PEX1: variants seen among roughly 807,000 people sequenced by gnomAD.
PEX1 encodes peroxisomal biogenesis factor 1, also known as peroxisomal ATPase PEX1.
PEX1 carries 97 observed loss-of-function variants against 152.5 expected under a neutral mutation model. The observed-to-expected ratio is 0.64, with a 90% CI of 0.54 to 0.75. The LOEUF is 0.75. PEX1 is among the 30% of genes least tolerant of loss of function. PEX1 has a pLI of 0.00. For missense variants in PEX1, 1,357 were observed against 1,516.3 expected (o/e 0.89, Z 1.74); for synonymous variants, 485 against 531.6 (o/e 0.91, Z 1.21).
At position 92,517,260 on chromosome 7, in the gene PEX1, T is replaced by C; in HGVS notation, c.1239+16A>G. 6.3e-7 allele frequency: 1 copy of C among 1,599,668 alleles called. No individual in the cohort carries two copies. The highest frequency in any genetic ancestry group is 8.6e-7 in the Non-Finnish European group (1 of 1,167,224). On this transcript the variant is annotated intron_variant, in intron 5 of 23. Transcript: ENST00000248633. ...GCCACATAAAATTTCTCCCAAGTTA[T>C]AAAATTTATACTAACCCAGACTTTC...
At chr7:92,510,640 T>G (rs1315224331) in intron 8 of PEX1, among the ~76,000 whole-genome samples, 1 of 152,078 alleles carries the variant, frequency 6.6e-6, no homozygotes, top group Admixed American at 6.6e-5. Flanking sequence ...AAAACTACGT[T>G]TTCATTTGTT....
chr7:92,502,615 G>A (rs1237498880), intron 13 of PEX1, among the ~76,000 whole-genome samples: 6 of 152,096 alleles, frequency 3.9e-5, no homozygotes, highest in Admixed American at 6.5e-5. Flanking sequence ...TAGGGTAGAT[G>A]CTAGGTGAAA....
Position 92,496,785 on chromosome 7 carries a change from G to T in PEX1, c.2719-8C>A. 6.4e-7 allele frequency: 1 copy of T among 1,573,088 alleles called. No homozygotes were observed. Among genetic ancestry groups the T allele is most frequent in the Non-Finnish European group, 8.7e-7 (1 of 1,143,300 alleles). On this transcript the variant is annotated splice_polypyrimidine_tract_variant and splice_region_variant and intron_variant, in intron 16 of 23. Coordinates refer to ENST00000248633, the MANE Select transcript of PEX1 (RefSeq NM_000466.3). ...GCTGAGTAACTCTGGCCCCTATTGG[G>T]TAAAATAAGAGTTGAGATAAAATTA...
chr7:92,528,501 C>T lies in PEX1; in HGVS notation c.-66G>A. 6.7e-7 allele frequency: 1 copy of T among 1,490,300 alleles called. No homozygotes were observed. The highest frequency in any genetic ancestry group is 8.9e-7 in the Non-Finnish European group (1 of 1,120,270). The allele number at this position is 1,490,300 out of a possible 1,614,324, so 92.3% of individuals were successfully genotyped here. ...GCAAAGGACCCGGGACCCGGCAGGC[C>T]GAGGACGTCGGAGCCGGAGGAGATC... On this transcript the variant is annotated 5_prime_UTR_variant, in exon 1 of 24. Transcript: ENST00000248633.
Position 92,502,096 on chromosome 7 carries a change from A to T in PEX1, c.2227-17T>A, listed in dbSNP as rs1380396312. 1 of 1,532,880 alleles carries T rather than the reference A, an allele frequency of 6.5e-7. No individual in the cohort carries two copies. The highest frequency in any genetic ancestry group is 9.0e-7 in the Non-Finnish European group (1 of 1,111,160). The allele number at this position is 1,532,880 out of a possible 1,614,324, so 95.0% of individuals were successfully genotyped here. ...TCTTTGTTCCTAAAGAAAAAAACAC[A>T]AAATTCGAATTTCCAATTGTATTCA... On this transcript the variant is annotated splice_polypyrimidine_tract_variant and intron_variant, in intron 13 of 23. Transcript: ENST00000248633.
chr7:92,517,485 G>A lies in PEX1; in HGVS notation c.1030C>T (p.Gln344Ter). Residue 344 changes from glutamine (Q) to a stop codon, truncating the protein, a stop_gained, in exon 5 of 24, where the codon CAG becomes TAG. Transcript: ENST00000248633. LOFTEE classifies it high-confidence loss of function. ...ACATTTTGTTTTGTTTTACTTTGCTGTTGCTTTGGAGAAAGTAGCTTAACT... is the reference window on the plus strand; with the variant it reads ...ACATTTTGTTTTGTTTTACTTTGCTATTGCTTTGGAGAAAGTAGCTTAACT... Reference protein sequence around the residue: ...KLVKLLSPKQQQSKTKQNVLS... With the variant: ...KLVKLLSPKQ The A allele has an allele frequency of 6.2e-7, 1 of 1,613,758 alleles. No individual in the cohort carries two copies. The highest frequency in any genetic ancestry group is 8.5e-7 in the Non-Finnish European group (1 of 1,179,964).
intron 1 of PEX1, among the ~76,000 whole-genome samples, chr7:92,522,781 A>T (rs576910521): frequency 6.6e-6 from 1 of 152,342 alleles, no homozygotes; most frequent in African/African-American, 2.4e-5. Context: ...ATGAAACACC[A>T]ACCAGATGGA....
rs67750906 is a variant in PEX1 at position 92,515,067 on chromosome 7, CTATATATATATATA to C, written c.1240-1114_1240-1101del. Among the ~76,000 whole-genome samples the C allele has an allele frequency of 1.3e-3, 167 of 125,092 alleles. 1 individual carries two copies. The highest frequency in any genetic ancestry group is 3.9e-3 in the Middle Eastern group (1 of 256). The allele number at this position is 125,092 out of a possible 152,430, so 82.1% of individuals were successfully genotyped here. Reference sequence around the variant, plus strand: ...GTCTCAAGAAAAAAAAAAAAATTATCTATATATATATATATATATATATATATATATATATATAT... The same window carrying C: ...GTCTCAAGAAAAAAAAAAAAATTATCTATATATATATATATATATATATAT... On this transcript the variant is annotated intron_variant, in intron 5 of 23. Coordinates refer to ENST00000248633, the MANE Select transcript of PEX1 (RefSeq NM_000466.3).
chr7:92,526,002 T>C (rs1793249166), intron 1 of PEX1, among the ~76,000 whole-genome samples: 1 of 152,118 alleles, frequency 6.6e-6, no homozygotes, highest in African/African-American at 2.4e-5. Context: ...GGAAGGAGAT[T>C]GGTTATAGAA....
At chr7:92,516,360 G>A (rs1374031876) in intron 5 of PEX1, among the ~76,000 whole-genome samples, 1 of 151,924 alleles carries the variant, frequency 6.6e-6, no homozygotes. Context: ...GTGGGAGGCG[G>A]AGGTTGCAGT....
intron 16 of PEX1, among the ~76,000 whole-genome samples, chr7:92,499,249 A>G (rs531348333): frequency 6.6e-6 from 1 of 152,348 alleles, no homozygotes; most frequent in Admixed American, 6.5e-5. Flanking sequence ...ATCCGTGGAG[A>G]AATTTGTGCA....
At position 92,494,633 on chromosome 7, in the gene PEX1, G is replaced by T. The variant is rs1412095915; in HGVS notation, c.2784-4C>A. Reference sequence around the variant, plus strand: ...GCAGGGCTTTGCAGCCTGTGCTCTGGGAAAAACAAACAACATTTCATATTT... The same window carrying T: ...GCAGGGCTTTGCAGCCTGTGCTCTGTGAAAAACAAACAACATTTCATATTT... On this transcript the variant is annotated splice_polypyrimidine_tract_variant and splice_region_variant and intron_variant, in intron 17 of 23. Coordinates refer to ENST00000248633, the MANE Select transcript of PEX1 (RefSeq NM_000466.3). The T allele has an allele frequency of 6.2e-7, 1 of 1,613,564 alleles. No homozygotes were observed. The highest frequency in any genetic ancestry group is 1.7e-5 in the Admixed American group (1 of 59,990).
At chr7:92,507,185 T>A (rs79925301) in intron 9 of PEX1, 59 bp from the exon 10 acceptor site, 231 of 1,492,674 alleles carry the variant, frequency 1.5e-4, no homozygotes, top group Non-Finnish European at 2.0e-4. Context: ...AATTTAGCTA[T>A]AAAAAAATGC....
At position 92,498,990 on chromosome 7, in the gene PEX1, C is replaced by T. The variant is rs141604566; in HGVS notation, c.2718+714G>A. On this transcript the variant is annotated intron_variant, in intron 16 of 23. Transcript: ENST00000248633. The stretch of plus-strand genomic sequence containing the variant: ...CCTACAAGAGAGAGGTGGCTCATTA[C>T]TCAATTTCATACAACTTTTAATAGA... 8.7e-4 allele frequency among the ~76,000 whole-genome samples: 133 copies of T among 152,246 alleles called. 2 individuals carry two copies. The highest frequency in any genetic ancestry group is 3.0e-3 in the African/African-American group (126 of 41,530).
chr7:92,511,538 T>G lies in PEX1; in HGVS notation c.1483+42A>C, dbSNP rs761573471. 1.7e-5 allele frequency: 25 copies of G among 1,496,620 alleles called. No individual in the cohort carries two copies. In the East Asian group the frequency reaches 4.6e-4, roughly 27 times the overall value. 92.7% of individuals were successfully genotyped at this position (1,496,620 alleles called of 1,614,324 possible). A position where few individuals can be genotyped will look rare whatever the true frequency, so the allele number is the denominator to read the frequency against. Reference sequence around the variant, plus strand: ...GCAAGAACAATTAAAAATGTACAACTATTTAAATAGAAAAAAAAGTCAAAA... The same window carrying G: ...GCAAGAACAATTAAAAATGTACAACGATTTAAATAGAAAAAAAAGTCAAAA... On this transcript the variant is annotated intron_variant, in intron 7 of 23. Transcript: ENST00000248633.
intron 5 of PEX1, 127 bp from the exon 6 acceptor site, chr7:92,514,094 C>A: frequency 1.6e-6 from 1 of 637,934 alleles, no homozygotes. Flanking sequence ...ATCATAATAA[C>A]TCATAGTTGT....
chr7:92,509,500 C>G, intron 8 of PEX1, 89 bp from the exon 9 acceptor site: 1 of 837,688 alleles, frequency 1.2e-6, no homozygotes. Context: ...ATTGCTGATT[C>G]TGTTATACCA....
chr7:92,500,924 AC>A (rs1791893090), intron 15 of PEX1, among the ~76,000 whole-genome samples: 2 of 152,138 alleles, frequency 1.3e-5, no homozygotes, highest in South Asian at 4.1e-4. Flanking sequence ...AGTCCTGTGA[AC>A]CTTGATAACT....
Position 92,487,355 on chromosome 7 carries a change from GTTAAA to G in PEX1, c.*97_*101del, listed in dbSNP as rs1235343252. On this transcript the variant is annotated 3_prime_UTR_variant, in exon 24 of 24. Coordinates refer to ENST00000248633, the MANE Select transcript of PEX1 (RefSeq NM_000466.3). ...GTGATTTTATAAATTAACCAAATTT[GTTAAA>G]TTAAGAAGAAATTCATAGACACCAT... is the stretch of plus-strand genomic sequence containing the variant. 10 of 670,154 alleles carry G rather than the reference GTTAAA, an allele frequency of 1.5e-5. No individual in the cohort carries two copies. Among genetic ancestry groups the G allele is most frequent in the African/African-American group, 3.6e-5 (2 of 55,210 alleles). 41.5% of individuals were successfully genotyped at this position (670,154 alleles called of 1,614,324 possible). A position where few individuals can be genotyped will look rare whatever the true frequency, so the allele number is the denominator to read the frequency against.
Sources: gnomAD v4.1 joint callset for allele counts (sites outside exome capture counted in the v4.1 genomes callset) on GRCh38, gnomAD v4.1.1 for gene constraint, MANE v1.5 for transcripts, NCBI Gene and HGNC (gene_info 2026-07-23, HGNC 2026-07-21) for gene names.